Variants in TLR6 observed in about 807,000 individuals in gnomAD.
TLR6 encodes toll like receptor 6.
Under a neutral mutation model 16.1 loss-of-function variants are expected in TLR6, and 9 were observed. That is an observed-to-expected ratio of 0.56 (90% CI 0.34 to 0.98). The LOEUF (loss-of-function observed/expected upper bound fraction) is 0.98. Ranked by LOEUF, TLR6 falls within the 50% of genes least tolerant of loss-of-function variation. The pLI, the probability that TLR6 is intolerant of heterozygous loss-of-function variation, is 0.02. For missense variants in TLR6, 786 were observed against 921.0 expected, an observed-to-expected ratio of 0.85 and a Z score of 1.90; for synonymous variants, 340 against 338.6, an observed-to-expected ratio of 1.00 and a Z score of -0.04.
chr4:38,828,558 C>T (rs1337774833), exon 2 of TLR6: 1 of 1,613,818 alleles, frequency 6.2e-7, no homozygotes, highest in Non-Finnish European at 8.5e-7. Context: ...ATTGTCAATG[C>T]TTTCAATGTC....
At chr4:38,832,386 G>C (rs968985252) in intron 1 of TLR6, among the ~76,000 whole-genome samples, 1 of 152,204 alleles carries the variant, frequency 6.6e-6, no homozygotes, top group Non-Finnish European at 1.5e-5. Flanking sequence ...TCAGAACCAG[G>C]AGGAACTTCC....
intron 1 of TLR6, among the ~76,000 whole-genome samples, chr4:38,840,082 G>A (rs536619908): frequency 6.6e-6 from 1 of 152,238 alleles, no homozygotes; most frequent in South Asian, 2.1e-4. Flanking sequence ...CTTCTAAAAG[G>A]GAATTTCAAG....
upstream of TLR6, among the ~76,000 whole-genome samples, chr4:38,860,144 C>T (rs1287977852): frequency 1.3e-5 from 2 of 152,036 alleles, no homozygotes; most frequent in Non-Finnish European, 2.9e-5. Flanking sequence ...TGACAATTAT[C>T]AATATCATAA....
chr4:38,866,801 C>T, the TLR6 span, among the ~76,000 whole-genome samples: 3 of 151,882 alleles, frequency 2.0e-5, no homozygotes, highest in South Asian at 2.1e-4. Flanking sequence ...TGGTAGGATC[C>T]ACACACTATA....
At chr4:38,841,304 A>T (rs564230515) in intron 1 of TLR6, among the ~76,000 whole-genome samples, 2 of 152,210 alleles carry the variant, frequency 1.3e-5, no homozygotes, top group African/African-American at 4.8e-5. Context: ...AAACACTGAA[A>T]CTTCTGCCGG....
chr4:38,863,356 T>G, the TLR6 span, among the ~76,000 whole-genome samples: 1 of 152,152 alleles, frequency 6.6e-6, no homozygotes, highest in African/African-American at 2.4e-5. Flanking sequence ...ACCCAAGACT[T>G]AGTCTTGGAC....
intron 1 of TLR6, among the ~76,000 whole-genome samples, chr4:38,853,489 T>C (rs1375413674): frequency 6.6e-6 from 1 of 152,214 alleles, no homozygotes; most frequent in Non-Finnish European, 1.5e-5. Context: ...AAATCATTAT[T>C]ATTTTTAGAT....
intron 1 of TLR6, among the ~76,000 whole-genome samples, chr4:38,855,211 CAA>C (rs3042439): frequency 0.013 from 1,452 of 108,720 alleles, 23 homozygotes; most frequent in African/African-American, 0.049. Flanking sequence ...GACTCCGTCT[CAA>C]AAAAAAAAAA....
intron 1 of TLR6, among the ~76,000 whole-genome samples, chr4:38,846,584 G>A (rs564629871): frequency 2.0e-5 from 3 of 152,210 alleles, no homozygotes; most frequent in Admixed American, 2.0e-4. Context: ...AATTCCCAGA[G>A]GATGGAGAGT....
At chr4:38,858,836 A>AGAGAGAGAGAGAGG (rs1713117134), upstream of TLR6, among the ~76,000 whole-genome samples, 12 of 36,458 alleles carry the variant, frequency 3.3e-4, no homozygotes, top group East Asian at 5.5e-3. Flanking sequence ...AGAGAGGAAG[A>AGAGAGAGAGAGAGG]AAGAAAGAAA....
intron 1 of TLR6, among the ~76,000 whole-genome samples, chr4:38,832,112 G>A (rs1313298376): frequency 6.6e-6 from 1 of 152,106 alleles, no homozygotes; most frequent in Non-Finnish European, 1.5e-5. Flanking sequence ...TCCCTCAATA[G>A]ATAAAAATAT....
upstream of TLR6, among the ~76,000 whole-genome samples, chr4:38,857,391 T>A (rs578073225): frequency 1.3e-5 from 2 of 152,190 alleles, no homozygotes; most frequent in Non-Finnish European, 2.9e-5. Flanking sequence ...ATGGTTTAGA[T>A]TTTAATTTAG....
chr4:38,854,796 T>C (rs1188654039), intron 1 of TLR6, among the ~76,000 whole-genome samples: 1 of 152,130 alleles, frequency 6.6e-6, no homozygotes, highest in African/African-American at 2.4e-5. Context: ...CATGACATAA[T>C]GAAATATTGA....
intron 1 of TLR6, among the ~76,000 whole-genome samples, chr4:38,842,568 T>C (rs1712326755): frequency 6.6e-6 from 1 of 152,194 alleles, no homozygotes; most frequent in Non-Finnish European, 1.5e-5. Context: ...CTCAGACATA[T>C]GCTTAGGAGT....
rs114066478 is a variant in TLR6, at chr4:38,832,178, C to T, written c.-64-2641G>A. Among the ~76,000 whole-genome samples the T allele has an allele frequency of 5.0e-3, 766 of 152,202 alleles. 6 individuals carry two copies. Among genetic ancestry groups the T allele is most frequent in the African/African-American group, 0.017 (719 of 41,532 alleles). On this transcript the variant is annotated intron_variant, in intron 1 of 1. Transcript: ENST00000436693. ...ACTATTGAACAATTAAAAAATGAGCCGGAGAAGCATTAAAATGGCTGAATA... is the reference window on the plus strand; with the variant it reads ...ACTATTGAACAATTAAAAAATGAGCTGGAGAAGCATTAAAATGGCTGAATA...
chr4:38,827,471 T>G, exon 2 of TLR6: 1 of 1,614,196 alleles, frequency 6.2e-7, no homozygotes, highest in Non-Finnish European at 8.5e-7. Context: ...AATCTGTATA[T>G]CTTCTTTTTC....
chr4:38,827,865 G>T (rs202131448), exon 2 of TLR6: 1 of 1,614,078 alleles, frequency 6.2e-7, no homozygotes, highest in Non-Finnish European at 8.5e-7. Context: ...AATTCTCTTA[G>T]CTCACAGGTA....
At chr4:38,850,416 C>T (rs1173597854) in intron 1 of TLR6, among the ~76,000 whole-genome samples, 1 of 152,052 alleles carries the variant, frequency 6.6e-6, no homozygotes, top group Admixed American at 6.6e-5. Flanking sequence ...ACAAAACACC[C>T]TTCAAAAAAT....
chr4:38,865,702 T>C, the TLR6 span, among the ~76,000 whole-genome samples: 1 of 152,226 alleles, frequency 6.6e-6, no homozygotes, highest in African/African-American at 2.4e-5. Context: ...CTCTTTATTT[T>C]AGAGGTGGAA....
Sources: allele counts gnomAD v4.1 joint callset (sites outside exome capture counted in the v4.1 genomes callset), GRCh38; gene constraint gnomAD v4.1.1; transcripts MANE v1.5; gene names NCBI Gene and HGNC (gene_info 2026-07-23, HGNC 2026-07-21).